TTC39B: variants seen among roughly 807,000 people sequenced by gnomAD.
TTC39B encodes the protein tetratricopeptide repeat protein 39B.
In TTC39B, 92 loss-of-function variants were observed where a neutral mutation model predicts 96.6. The observed-to-expected ratio is 0.95, with a 90% CI of 0.80 to 1.13. The LOEUF (loss-of-function observed/expected upper bound fraction) is 1.13. Among genes scored for constraint, TTC39B ranks in the 50% most tolerant of loss-of-function variants. The pLI, the probability that TTC39B is intolerant of heterozygous loss-of-function variation, is 0.00. For missense variants in TTC39B, 955 were observed against 809.3 expected, an observed-to-expected ratio of 1.18 and a Z score of -2.18; for synonymous variants, 367 against 299.4, an observed-to-expected ratio of 1.23 and a Z score of -2.33.
chr9:15,187,832 G>A, intron 14 of TTC39B, 139 bp downstream of exon 14: 2 of 870,706 alleles, frequency 2.3e-6, no homozygotes, highest in Admixed American at 3.1e-5. Flanking sequence ...GGGTACTTAA[G>A]GCACATTTCC....
At chr9:15,173,114 T>C (rs976253214) in intron 19 of TTC39B, among the ~76,000 whole-genome samples, 2 of 152,212 alleles carry the variant, frequency 1.3e-5, no homozygotes, top group Admixed American at 1.3e-4. Flanking sequence ...TACTAGTCTT[T>C]TATTTTTATC....
At chr9:15,271,387 T>A (rs569798200) in intron 1 of TTC39B, among the ~76,000 whole-genome samples, 82 of 152,268 alleles carry the variant, frequency 5.4e-4, no homozygotes, top group African/African-American at 1.9e-3. Context: ...GTTCCCAACC[T>A]TTTTGGCACC....
chr9:15,245,888 T>C (rs1822250884), intron 2 of TTC39B, among the ~76,000 whole-genome samples: 1 of 152,200 alleles, frequency 6.6e-6, no homozygotes, highest in African/African-American at 2.4e-5. Flanking sequence ...TCTTCTGCAA[T>C]TACCACCTAA....
At position 15,188,095 on chromosome 9, in the gene TTC39B, T is replaced by C. The variant is rs141394265; in HGVS notation, c.1271A>G (p.Glu424Gly). 2.2e-4 allele frequency: 353 copies of C among 1,609,068 alleles called. No individual in the cohort carries two copies. In the African/African-American group the frequency reaches 4.3e-3, roughly 20 times the overall value. The change falls in exon 14 of 20, where the codon GAA becomes GGA. Residue 424 changes from glutamate (E) to glycine (G), a missense_variant. Coordinates refer to ENST00000512701, the Ensembl canonical transcript of TTC39B. The stretch of plus-strand genomic sequence containing the variant: ...GAGATGGTGAAACTGTTTCCATTCT[T>C]CTTGAACTGAAATGCATTTTTGAAA...
intron 1 of TTC39B, among the ~76,000 whole-genome samples, chr9:15,292,834 T>C (rs1050243711): frequency 6.6e-6 from 1 of 152,236 alleles, no homozygotes; most frequent in African/African-American, 2.4e-5. Context: ...TAAGTGTTAT[T>C]GTAAAAGTGC....
At chr9:15,189,844 AT>A in intron 11 of TTC39B, 52 bp from the exon 12 acceptor site, 1 of 1,280,742 alleles carries the variant, frequency 7.8e-7, no homozygotes, top group East Asian at 2.5e-5. Flanking sequence ...GGGGATATTT[AT>A]AACCAGCTCT....
At chr9:15,281,906 G>A (rs1166101056) in intron 1 of TTC39B, among the ~76,000 whole-genome samples, 1 of 152,046 alleles carries the variant, frequency 6.6e-6, no homozygotes, top group African/African-American at 2.4e-5. Flanking sequence ...TCAAACTCCT[G>A]ACCTCAAGTG....
chr9:15,206,166 C>T (rs1819842990), intron 6 of TTC39B, among the ~76,000 whole-genome samples: 1 of 152,156 alleles, frequency 6.6e-6, no homozygotes, highest in African/African-American at 2.4e-5. Context: ...ATATTAAATC[C>T]CTTTCACATC....
rs375664533 is a variant in TTC39B, at chr9:15,186,971, G to A, written c.1460C>T (p.Thr487Met). 38 of 1,613,512 alleles carry A rather than the reference G, an allele frequency of 2.4e-5. No individual in the cohort carries two copies. Among genetic ancestry groups the A allele is most frequent in the Admixed American group, 3.3e-5 (2 of 59,958 alleles). The change falls in exon 15 of 20, where the codon ACG becomes ATG. Residue 487 changes from threonine (T) to methionine (M), a missense_variant. Thr to Met is a moderately conservative substitution (Grantham distance 81, BLOSUM62 -1). Transcript: ENST00000512701. ...GAATAAAGTTACCACATTCTCATTCGTTGCTACTACATCCTCCTCTGGAAG... is the reference window on the plus strand; with the variant it reads ...GAATAAAGTTACCACATTCTCATTCATTGCTACTACATCCTCCTCTGGAAG...
chr9:15,208,431 AG>A (rs1395211137), intron 6 of TTC39B, among the ~76,000 whole-genome samples: 2 of 152,186 alleles, frequency 1.3e-5, no homozygotes, highest in Non-Finnish European at 2.9e-5. Context: ...GGAAAAAGGG[AG>A]GCAGAGGTCA....
In TTC39B at chr9:15,306,346, C is replaced by T. The variant is rs1442210309; in HGVS notation, c.240+738G>A. Reference sequence around the variant, plus strand: ...TGGGTGCTCAGGCCCGGGCGCGCCACGACTGAAGGAGTGGCTAATTACTCA... The same window carrying T: ...TGGGTGCTCAGGCCCGGGCGCGCCATGACTGAAGGAGTGGCTAATTACTCA... On this transcript the variant is annotated intron_variant, in intron 1 of 19. Transcript: ENST00000512701. The surrounding 1 kb of genome is among the most constrained non-coding windows in gnomAD (Gnocchi z 5.1). Among the ~76,000 whole-genome samples, 3 of 152,164 alleles carry T rather than the reference C, an allele frequency of 2.0e-5. No individual in the cohort carries two copies. Among genetic ancestry groups the T allele is most frequent in the Non-Finnish European group, 4.4e-5 (3 of 68,028 alleles).
chr9:15,256,499 C>T (rs1822756391), intron 2 of TTC39B, among the ~76,000 whole-genome samples: 1 of 152,112 alleles, frequency 6.6e-6, no homozygotes, highest in African/African-American at 2.4e-5. Context: ...GCCAAGTACA[C>T]CATGACAAGC....
exon 20 of TTC39B, chr9:15,169,282 G>C (rs1272743471): frequency 6.6e-6 from 1 of 152,078 alleles, no homozygotes; most frequent in South Asian, 2.1e-4. Flanking sequence ...CTTGTATCAG[G>C]GAGCATAGAA....
intron 1 of TTC39B, among the ~76,000 whole-genome samples, chr9:15,271,541 A>T (rs1252568524): frequency 6.6e-6 from 1 of 152,138 alleles, no homozygotes; most frequent in Admixed American, 6.5e-5. Flanking sequence ...TTGCATGCAC[A>T]TTTCACAGTA....
At chr9:15,218,084 TG>T (rs1421492041) in intron 3 of TTC39B, among the ~76,000 whole-genome samples, 15 of 149,780 alleles carry the variant, frequency 1.0e-4, no homozygotes, top group African/African-American at 3.7e-4. Context: ...GGCTCACACC[TG>T]TAATCCCAAC....
chr9:15,254,576 T>C (rs1822678707), intron 2 of TTC39B, among the ~76,000 whole-genome samples: 1 of 152,174 alleles, frequency 6.6e-6, no homozygotes, highest in Non-Finnish European at 1.5e-5. Flanking sequence ...GGTATCCTTA[T>C]ACAAGTTTAG....
intron 2 of TTC39B, among the ~76,000 whole-genome samples, chr9:15,256,986 C>T (rs1031422829): frequency 3.9e-5 from 6 of 152,162 alleles, no homozygotes; most frequent in Non-Finnish European, 8.8e-5. Flanking sequence ...AAAAGGATCA[C>T]TCTTGTCCTG....
At position 15,259,311 on chromosome 9, in the gene TTC39B, A is replaced by G. The variant is rs560186145; in HGVS notation, c.275+8603T>C. ...AGGACACCACCAACCTGATCCACTT[A>G]AAGTTAAATAACCTGCTTGAAGTTG... On this transcript the variant is annotated intron_variant, in intron 2 of 19. Transcript: ENST00000512701. 4.6e-5 allele frequency among the ~76,000 whole-genome samples: 7 copies of G among 152,312 alleles called. No homozygotes were observed. In the South Asian group the frequency reaches 1.4e-3, roughly 32 times the overall value.
intron 3 of TTC39B, 110 bp downstream of exon 3, chr9:15,225,807 C>A: frequency 1.1e-6 from 1 of 947,944 alleles, no homozygotes; most frequent in Non-Finnish European, 1.5e-6. Context: ...CTCTCCTGAC[C>A]TCATTGGTTT....
Sources: allele counts gnomAD v4.1 joint callset (sites outside exome capture counted in the v4.1 genomes callset), GRCh38; gene constraint gnomAD v4.1.1; non-coding constraint Gnocchi (gnomAD v3.1); transcripts MANE v1.5; gene names NCBI Gene and HGNC (gene_info 2026-07-23, HGNC 2026-07-21).